HYCC2: variants seen among roughly 807,000 people sequenced by gnomAD.
HYCC2 encodes hyccin 2.
chr2:200,994,319 C>T, the HYCC2 span, among the ~76,000 whole-genome samples: 48 of 152,182 alleles, frequency 3.2e-4, no homozygotes, highest in African/African-American at 8.9e-4. Context: ...CTCACTGCAA[C>T]CTCTGCCTCC....
the HYCC2 span, among the ~76,000 whole-genome samples, chr2:201,055,245 T>C: frequency 1.3e-5 from 2 of 152,194 alleles, no homozygotes; most frequent in African/African-American, 4.8e-5. Context: ...TTAATGTACA[T>C]TTCAGTAGTA....
At chr2:201,045,173 G>T in the HYCC2 span, among the ~76,000 whole-genome samples, 3 of 152,100 alleles carry the variant, frequency 2.0e-5, no homozygotes, top group South Asian at 4.1e-4. Context: ...TATATTGGAC[G>T]GCACAGATAT....
At chr2:201,053,168 G>C in the HYCC2 span, among the ~76,000 whole-genome samples, 1 of 151,816 alleles carries the variant, frequency 6.6e-6, no homozygotes, top group Middle Eastern at 3.2e-3. Context: ...TGTCAACCAG[G>C]CTGGAGCACA....
At chr2:201,064,483 T>C in the HYCC2 span, among the ~76,000 whole-genome samples, 5 of 152,288 alleles carry the variant, frequency 3.3e-5, no homozygotes, top group African/African-American at 9.6e-5. Flanking sequence ...CCAGGTTCTA[T>C]TTGGAATTTA....
At chr2:201,007,259 G>A in the HYCC2 span, among the ~76,000 whole-genome samples, 3 of 152,138 alleles carry the variant, frequency 2.0e-5, no homozygotes, top group Non-Finnish European at 2.9e-5. Context: ...AATATCATAA[G>A]TCAAAAAAGC....
chr2:201,057,040 G>T, the HYCC2 span, among the ~76,000 whole-genome samples: 1 of 152,208 alleles, frequency 6.6e-6, no homozygotes. Flanking sequence ...TACTGCTTCT[G>T]AAGAGAGCTA....
chr2:201,043,818 T>G, the HYCC2 span, among the ~76,000 whole-genome samples: 424 of 152,224 alleles, frequency 2.8e-3, 2 homozygotes, highest in African/African-American at 1.0e-2. Context: ...AAACATGTAT[T>G]TTCTAACCAG....
At chr2:201,038,335 C>T in the HYCC2 span, among the ~76,000 whole-genome samples, 1 of 152,086 alleles carries the variant, frequency 6.6e-6, no homozygotes, top group Non-Finnish European at 1.5e-5. Flanking sequence ...GTCAGTGTGG[C>T]GATTCCTCAG....
chr2:200,981,159 G>T, the HYCC2 span: 1 of 1,300,912 alleles, frequency 7.7e-7, no homozygotes, highest in Non-Finnish European at 1.1e-6. This position sits in a 1 kb window ranked among gnomAD's most constrained non-coding sequence, Gnocchi z 4.5. Flanking sequence ...TAAACTAAAT[G>T]AAATCTGATA....
chr2:201,053,705 C>A, the HYCC2 span, among the ~76,000 whole-genome samples: 1 of 152,190 alleles, frequency 6.6e-6, no homozygotes, highest in Non-Finnish European at 1.5e-5. Flanking sequence ...TGGCTCACAC[C>A]TGTAATCCCA....
the HYCC2 span, among the ~76,000 whole-genome samples, chr2:201,062,576 G>A: frequency 1.3e-5 from 2 of 151,712 alleles, no homozygotes; most frequent in Non-Finnish European, 2.9e-5. Flanking sequence ...GCATGAACCT[G>A]GGAGGCAGAG....
chr2:201,049,905 G>C, the HYCC2 span, among the ~76,000 whole-genome samples: 1 of 151,522 alleles, frequency 6.6e-6, no homozygotes. Context: ...TCACCATATT[G>C]CCCAGGCAGG....
the HYCC2 span, chr2:200,988,383 A>C: frequency 6.2e-7 from 1 of 1,613,254 alleles, no homozygotes; most frequent in Non-Finnish European, 8.5e-7. Context: ...TAGAATCAGG[A>C]GCATCAAATG....
At chr2:201,036,859 C>T in the HYCC2 span, among the ~76,000 whole-genome samples, 1 of 152,318 alleles carries the variant, frequency 6.6e-6, no homozygotes, top group South Asian at 2.1e-4. Context: ...CCTCTCTCAC[C>T]ACTCCTATTC....
the HYCC2 span, chr2:200,980,818 G>A: frequency 6.2e-6 from 1 of 160,778 alleles, no homozygotes; most frequent in African/African-American, 2.4e-5. Context: ...TCCTGGTTAA[G>A]AGAAAAAAAT....
At chr2:201,004,645 G>A in the HYCC2 span, among the ~76,000 whole-genome samples, 1 of 152,174 alleles carries the variant, frequency 6.6e-6, no homozygotes, top group African/African-American at 2.4e-5. Context: ...TCAGAGTACT[G>A]TAAAAGGACC....
At chr2:201,064,011 C>T in the HYCC2 span, 401 of 1,596,136 alleles carry the variant, frequency 2.5e-4, no homozygotes, top group Non-Finnish European at 3.3e-4. Flanking sequence ...TATGGCGGTT[C>T]CAGCAGTAGC....
At chr2:201,004,550 C>A in the HYCC2 span, among the ~76,000 whole-genome samples, 1 of 152,190 alleles carries the variant, frequency 6.6e-6, no homozygotes, top group African/African-American at 2.4e-5. Context: ...CAAACAGATG[C>A]CAGCAGTCTC....
the HYCC2 span, among the ~76,000 whole-genome samples, chr2:201,030,582 CTT>C: frequency 9.9e-5 from 14 of 141,804 alleles, no homozygotes; most frequent in Admixed American, 2.1e-4. Flanking sequence ...TATCTCATTC[CTT>C]TTTTTTTTTT....
Sources: allele counts gnomAD v4.1 joint callset (sites outside exome capture counted in the v4.1 genomes callset), GRCh38; gene constraint gnomAD v4.1.1; non-coding constraint Gnocchi (gnomAD v3.1); transcripts MANE v1.5; gene names NCBI Gene and HGNC (gene_info 2026-07-23, HGNC 2026-07-21).